Variants in ZNF385B observed in about 807,000 individuals in gnomAD.
ZNF385B encodes the protein zinc finger protein 385B, also known as zinc finger protein 533.
A neutral mutation model predicts 39.2 loss-of-function variants in ZNF385B; 23 were observed. The observed-to-expected ratio is 0.59, with a 90% CI of 0.42 to 0.83. The LOEUF (loss-of-function observed/expected upper bound fraction) is 0.83. ZNF385B is among the 40% of genes least tolerant of loss of function. ZNF385B has a pLI of 0.00. For synonymous variants in ZNF385B, 205 were observed against 222.6 expected, an observed-to-expected ratio of 0.92 and a Z score of 0.70; for missense variants, 552 against 598.9, an observed-to-expected ratio of 0.92 and a Z score of 0.82.
chr2:179,747,928 C>A (rs1362512964), intron 3 of ZNF385B, among the ~76,000 whole-genome samples: 1 of 152,114 alleles, frequency 6.6e-6, no homozygotes, highest in Non-Finnish European at 1.5e-5. Context: ...AATTTAAGCT[C>A]ACATTAGTTC....
chr2:179,464,294 A>C (rs908125862), intron 6 of ZNF385B, among the ~76,000 whole-genome samples: 12 of 152,120 alleles, frequency 7.9e-5, no homozygotes, highest in Admixed American at 2.6e-4. Flanking sequence ...CCCATTCTGT[A>C]GGTTGCCTGT....
At chr2:179,569,558 T>C (rs933778881) in intron 3 of ZNF385B, among the ~76,000 whole-genome samples, 18 of 152,184 alleles carry the variant, frequency 1.2e-4, no homozygotes, top group Non-Finnish European at 1.8e-4. Flanking sequence ...GGTGATAAGA[T>C]AGCATATCTT....
chr2:179,500,610 G>T (rs530965122), intron 5 of ZNF385B, among the ~76,000 whole-genome samples: 3 of 152,194 alleles, frequency 2.0e-5, no homozygotes, highest in African/African-American at 7.2e-5. Flanking sequence ...ATGGATTAAA[G>T]ACTTAAATCT....
At chr2:179,774,743 G>T (rs191186277) in intron 1 of ZNF385B, among the ~76,000 whole-genome samples, 518 of 152,322 alleles carry the variant, frequency 3.4e-3, no homozygotes, top group South Asian at 7.5e-3. Context: ...GGTAATAACG[G>T]TGTGCTCCCC....
chr2:179,634,721 A>G (rs1691571883), intron 3 of ZNF385B, among the ~76,000 whole-genome samples: 1 of 152,216 alleles, frequency 6.6e-6, no homozygotes, highest in Admixed American at 6.5e-5. Flanking sequence ...CCAAAGGATT[A>G]TAAATCATGC....
intron 3 of ZNF385B, among the ~76,000 whole-genome samples, chr2:179,617,604 G>A (rs901883996): frequency 1.3e-5 from 2 of 152,144 alleles, no homozygotes; most frequent in Non-Finnish European, 2.9e-5. Context: ...TTCCACTTCA[G>A]AGTTTATGCT....
intron 5 of ZNF385B, among the ~76,000 whole-genome samples, chr2:179,493,783 A>G (rs1179978644): frequency 9.7e-6 from 1 of 103,060 alleles, no homozygotes; most frequent in South Asian, 3.2e-4. Flanking sequence ...ATGTATATAC[A>G]CATATGTATA....
chr2:179,713,405 T>C lies in ZNF385B; in HGVS notation c.298+56098A>G, dbSNP rs776359554. On this transcript the variant is annotated intron_variant, in intron 3 of 9. Transcript: ENST00000410066. ...CATCATCACACTTTCTCCTTCTCCTTAGAATGCGTATTTCTTTTTTCAACT... is the reference window on the plus strand; with the variant it reads ...CATCATCACACTTTCTCCTTCTCCTCAGAATGCGTATTTCTTTTTTCAACT... Among the ~76,000 whole-genome samples the C allele has an allele frequency of 4.6e-4, 70 of 152,304 alleles. 1 individual carries two copies. The highest frequency in any genetic ancestry group is 1.5e-3 in the African/African-American group (63 of 41,558).
chr2:179,666,333 GCTTCCCCTC>G (rs1695154529), intron 3 of ZNF385B, among the ~76,000 whole-genome samples: 1 of 152,140 alleles, frequency 6.6e-6, no homozygotes, highest in Non-Finnish European at 1.5e-5. Flanking sequence ...TATGGCAATA[GCTTCCCCTC>G]CTGTGATTTA....
intron 3 of ZNF385B, among the ~76,000 whole-genome samples, chr2:179,755,569 G>T (rs1702961166): frequency 6.6e-6 from 1 of 152,172 alleles, no homozygotes; most frequent in Admixed American, 6.5e-5. Context: ...GGGAGTCTAA[G>T]TCTCTTTGTA....
At chr2:179,483,945 T>G (rs900079544) in intron 5 of ZNF385B, among the ~76,000 whole-genome samples, 1 of 152,200 alleles carries the variant, frequency 6.6e-6, no homozygotes, top group African/African-American at 2.4e-5. Context: ...TGACACTGAA[T>G]TTTTTGGTAA....
intron 4 of ZNF385B, among the ~76,000 whole-genome samples, chr2:179,526,011 G>T (rs1294694860): frequency 2.1e-5 from 3 of 145,732 alleles, no homozygotes; most frequent in African/African-American, 7.5e-5. Flanking sequence ...ATTGCATATT[G>T]TTGGCAACAC....
chr2:179,555,472 A>G (rs2060846752), intron 3 of ZNF385B, among the ~76,000 whole-genome samples: 1 of 149,630 alleles, frequency 6.7e-6, no homozygotes, highest in African/African-American at 2.5e-5. Flanking sequence ...ACTTATGTGC[A>G]CTTTTCTGTA....
chr2:179,712,173 C>T (rs1344950792), intron 3 of ZNF385B, among the ~76,000 whole-genome samples: 1 of 152,096 alleles, frequency 6.6e-6, no homozygotes, highest in East Asian at 1.9e-4. Flanking sequence ...TTCTGGGTTG[C>T]TAAGTTTTGT....
intron 5 of ZNF385B, among the ~76,000 whole-genome samples, chr2:179,506,392 G>A (rs1247136638): frequency 6.6e-6 from 1 of 152,006 alleles, no homozygotes; most frequent in Non-Finnish European, 1.5e-5. Context: ...ATATTTTACC[G>A]ATTTTGGCTG....
chr2:179,616,392 G>A (rs1288006522), intron 3 of ZNF385B, among the ~76,000 whole-genome samples: 3 of 152,160 alleles, frequency 2.0e-5, no homozygotes, highest in Non-Finnish European at 4.4e-5. Flanking sequence ...GGAGTGCAGT[G>A]GCACAATCTT....
chr2:179,746,545 T>A (rs560543244), intron 3 of ZNF385B, among the ~76,000 whole-genome samples: 3 of 152,292 alleles, frequency 2.0e-5, no homozygotes, highest in East Asian at 3.9e-4. Flanking sequence ...ACCATCAATT[T>A]TATTCTAAGA....
At chr2:179,488,181 G>A (rs1200874264) in intron 5 of ZNF385B, among the ~76,000 whole-genome samples, 2 of 151,318 alleles carry the variant, frequency 1.3e-5, no homozygotes, top group Non-Finnish European at 2.9e-5. Context: ...GCCTCACTCT[G>A]TTGCCAGGCT....
intron 3 of ZNF385B, among the ~76,000 whole-genome samples, chr2:179,703,536 T>C (rs1699370103): frequency 6.6e-6 from 1 of 152,230 alleles, no homozygotes; most frequent in Non-Finnish European, 1.5e-5. Context: ...TGCTTTCCAA[T>C]ACCTATAACA....
Sources: gnomAD v4.1 joint callset for allele counts (sites outside exome capture counted in the v4.1 genomes callset) on GRCh38, gnomAD v4.1.1 for gene constraint, MANE v1.5 for transcripts, NCBI Gene and HGNC (gene_info 2026-07-23, HGNC 2026-07-21) for gene names.